FOCAD: variants seen among roughly 807,000 people sequenced by gnomAD.
The protein encoded by FOCAD is focadhesin, also known as KIAA1797.
FOCAD carries 198 observed loss-of-function variants against 225.6 expected under a neutral mutation model. That is an observed-to-expected ratio of 0.88 (90% CI 0.78 to 0.99). The LOEUF (loss-of-function observed/expected upper bound fraction) is 0.99. FOCAD is among the 50% of genes least tolerant of loss of function. The pLI, the probability that FOCAD is intolerant of heterozygous loss-of-function variation, is 0.00. For missense variants in FOCAD, 2,713 were observed against 2,123.6 expected, an observed-to-expected ratio of 1.28 and a Z score of -5.46; for synonymous variants, 897 against 755.0, an observed-to-expected ratio of 1.19 and a Z score of -3.08.
chr9:20,943,493 C>T (rs1161581745), intron 28 of FOCAD, among the ~76,000 whole-genome samples: 1 of 152,142 alleles, frequency 6.6e-6, no homozygotes, highest in Non-Finnish European at 1.5e-5. Context: ...CTGCTGGATG[C>T]TCTCTGTGTG....
intron 11 of FOCAD, among the ~76,000 whole-genome samples, chr9:20,819,273 G>T (rs1279768864): frequency 3.3e-5 from 5 of 152,026 alleles, no homozygotes; most frequent in Non-Finnish European, 7.4e-5. Flanking sequence ...GAGTGCAATG[G>T]TGCAATCATG....
intron 29 of FOCAD, among the ~76,000 whole-genome samples, chr9:20,945,485 A>G (rs1348696667): frequency 6.6e-6 from 1 of 152,236 alleles, no homozygotes; most frequent in African/African-American, 2.4e-5. Context: ...TGATGAGTAC[A>G]TAATGGCTGC....
At chr9:20,731,658 C>CCTG (rs1826714188) in intron 4 of FOCAD, among the ~76,000 whole-genome samples, 1 of 152,120 alleles carries the variant, frequency 6.6e-6, no homozygotes, top group Non-Finnish European at 1.5e-5. Context: ...GTTCTTGTTG[C>CCTG]CCAGGCTGGA....
chr9:20,774,297 T>G (rs10964693), intron 8 of FOCAD, among the ~76,000 whole-genome samples: 27,792 of 152,164 alleles, frequency 0.18, 3,109 homozygotes, highest in Non-Finnish European at 0.25. Flanking sequence ...TTTCCAAGAC[T>G]ACAGGGGATG....
intron 40 of FOCAD, among the ~76,000 whole-genome samples, chr9:20,987,330 A>T (rs955729233): frequency 3.9e-5 from 6 of 152,110 alleles, no homozygotes; most frequent in Admixed American, 3.9e-4. Context: ...CCACATGGTG[A>T]AACCCTGTCT....
chr9:20,710,144 G>C (rs1008530180), intron 1 of FOCAD, among the ~76,000 whole-genome samples: 3 of 150,774 alleles, frequency 2.0e-5, no homozygotes, highest in African/African-American at 7.3e-5. Context: ...AATCTTACCT[G>C]CTTCTGTGGA....
rs796808537 is a variant in FOCAD, at chr9:20,701,705, A to T, written c.-32-13617A>T. On this transcript the variant is annotated intron_variant, in intron 1 of 43. Transcript: ENST00000338382. ...AGATGTGGGAGATGTATTGCTGGTGATGGTGCCACAAGGATGAAAGTTAAG... is the reference window on the plus strand; with the variant it reads ...AGATGTGGGAGATGTATTGCTGGTGTTGGTGCCACAAGGATGAAAGTTAAG... Among the ~76,000 whole-genome samples the T allele has an allele frequency of 5.3e-5, 8 of 152,344 alleles. 1 individual carries two copies. Among genetic ancestry groups the T allele is most frequent in the African/African-American group, 1.9e-4 (8 of 41,578 alleles).
chr9:20,834,154 A>G (rs1030278691), intron 15 of FOCAD, among the ~76,000 whole-genome samples: 2 of 152,158 alleles, frequency 1.3e-5, no homozygotes, highest in African/African-American at 4.8e-5. Flanking sequence ...TTGCAGGGAC[A>G]TGGATGGAAC....
rs1841145613 is a variant in FOCAD at position 20,986,266 on chromosome 9, A to ATTTTTTTTTTTTTTCTTTTTTTTTTTTT, written c.4729-8_4729-7insCTTTTTTTTTTTTTTTTTTTTTTTTTTT. 3.3e-6 allele frequency: 2 copies of ATTTTTTTTTTTTTTCTTTTTTTTTTTTT among 606,560 alleles called. 1 individual carries two copies. The allele number at this position is 606,560 out of a possible 1,614,324, so 37.6% of individuals were successfully genotyped here. ...CAGTTAATTTAATAGTAACTAAACAATTTTTTTTTTTTTTTTTGCAGAGCA... is the reference window on the plus strand; with the variant it reads ...CAGTTAATTTAATAGTAACTAAACAATTTTTTTTTTTTTTCTTTTTTTTTTTTTTTTTTTTTTTTTTTTTTGCAGAGCA... On this transcript the variant is annotated intron_variant, in intron 39 of 43. Transcript: ENST00000338382.
At chr9:20,788,351 T>C (rs1820158866) in intron 10 of FOCAD, among the ~76,000 whole-genome samples, 1 of 152,058 alleles carries the variant, frequency 6.6e-6, no homozygotes, top group African/African-American at 2.4e-5. Context: ...TTTGTTTGGG[T>C]TGATGAAAAT....
At chr9:20,913,075 GA>G in intron 23 of FOCAD, 121 bp downstream of exon 23, 3 of 691,422 alleles carry the variant, frequency 4.3e-6, no homozygotes, top group Non-Finnish European at 7.3e-6. Context: ...GCCTGAAGGG[GA>G]AATGACAGAA....
rs909579007 is a variant in FOCAD, at chr9:20,934,909, C to T, written c.3407+1806C>T. On this transcript the variant is annotated intron_variant, in intron 28 of 43. Transcript: ENST00000338382. ...AAATAATAAGATACTTAGGAATATA[C>T]CTAACCAAGGAGGTGAAAGACCTCT... Among the ~76,000 whole-genome samples, 12 of 152,038 alleles carry T rather than the reference C, an allele frequency of 7.9e-5. No individual in the cohort carries two copies. The South Asian group carries it at 8.3e-4, about 11-fold the overall frequency.
intron 1 of FOCAD, among the ~76,000 whole-genome samples, chr9:20,693,712 T>G (rs1823121858): frequency 6.6e-6 from 1 of 152,064 alleles, no homozygotes; most frequent in African/African-American, 2.4e-5. Flanking sequence ...CACTATTTAT[T>G]TATTTATTTA....
At chr9:20,874,828 G>C (rs764133159) in intron 19 of FOCAD, 21 bp downstream of exon 19, 3 of 1,613,222 alleles carry the variant, frequency 1.9e-6, no homozygotes, top group South Asian at 1.1e-5. Flanking sequence ...TTTGGTAGTA[G>C]AGAAGCTAGC....
chr9:20,867,671 C>T (rs1829408489), intron 18 of FOCAD, among the ~76,000 whole-genome samples: 1 of 151,962 alleles, frequency 6.6e-6, no homozygotes, highest in African/African-American at 2.4e-5. Flanking sequence ...GGTTAAATAT[C>T]TGATTTCTTA....
chr9:20,955,153 G>A (rs904066735), intron 35 of FOCAD, among the ~76,000 whole-genome samples: 1 of 152,156 alleles, frequency 6.6e-6, no homozygotes, highest in South Asian at 2.1e-4. Context: ...ATAATGCTTA[G>A]CATAGGCAGA....
intron 15 of FOCAD, among the ~76,000 whole-genome samples, chr9:20,831,366 G>A (rs1825476904): frequency 6.6e-6 from 1 of 152,032 alleles, no homozygotes; most frequent in Non-Finnish European, 1.5e-5. Context: ...CAAACATGAG[G>A]TAGAGATTTC....
In FOCAD at chr9:20,770,080, G is replaced by T. The variant is rs760602881; in HGVS notation, c.748G>T (p.Val250Leu). 5.6e-6 allele frequency: 9 copies of T among 1,613,974 alleles called. No individual in the cohort carries two copies. The highest frequency in any genetic ancestry group is 6.8e-6 in the Non-Finnish European group (8 of 1,179,974). The change falls in exon 8 of 44, where the codon GTA becomes TTA. Residue 250 changes from valine (V) to leucine (L), a missense_variant. Val to Leu is a conservative substitution (Grantham distance 32). Coordinates refer to ENST00000338382, the MANE Select transcript of FOCAD (RefSeq NM_001375567.1). Reference protein sequence around the residue: ...TTEAMMFIEEVCLSLLRHPVF... With the variant: ...TTEAMMFIEELCLSLLRHPVF... Reference sequence around the variant, plus strand: ...AGAGGCGATGATGTTTATTGAGGAAGTATGTTTAAGCCTTTTGCGTCATCC... The same window carrying T: ...AGAGGCGATGATGTTTATTGAGGAATTATGTTTAAGCCTTTTGCGTCATCC...
intron 8 of FOCAD, among the ~76,000 whole-genome samples, chr9:20,778,005 G>A (rs937305049): frequency 3.4e-5 from 5 of 148,906 alleles, no homozygotes; most frequent in African/African-American, 9.9e-5. Flanking sequence ...CAGGAGAATG[G>A]CGTGAACCCG....
Sources: gnomAD v4.1 joint callset for allele counts (sites outside exome capture counted in the v4.1 genomes callset) on GRCh38, gnomAD v4.1.1 for gene constraint, MANE v1.5 for transcripts, NCBI Gene and HGNC (gene_info 2026-07-23, HGNC 2026-07-21) for gene names.